ZC3H11A: variants seen among roughly 807,000 people sequenced by gnomAD.
The protein encoded by ZC3H11A is zinc finger CCCH-type containing 11A, also known as zinc finger CCCH domain-containing protein 11A.
ZC3H11A carries 22 observed loss-of-function variants against 90.8 expected under a neutral mutation model. That is an observed-to-expected ratio of 0.24 (90% confidence interval 0.17 to 0.35). The LOEUF (loss-of-function observed/expected upper bound fraction) is 0.35, where lower values mean the gene tolerates loss of function less well. Among genes scored for constraint, ZC3H11A ranks in the 10% least tolerant of loss-of-function variants. The pLI is 1.00. For synonymous variants in ZC3H11A, 294 were observed against 339.8 expected (o/e 0.87, Z 1.48); for missense variants, 701 against 964.9 (o/e 0.73, Z 3.62).
chr1:203,806,018 C>A, intron 2 of ZC3H11A: 1 of 551,408 alleles, frequency 1.8e-6, no homozygotes, highest in South Asian at 1.5e-5. Flanking sequence ...TTGAATGACT[C>A]TTGGGTGCGA....
In ZC3H11A at chr1:203,810,640, C is replaced by T. The variant is rs559713235; in HGVS notation, c.-145-6286C>T. 2.0e-4 allele frequency among the ~76,000 whole-genome samples: 30 copies of T among 152,024 alleles called. No homozygotes were observed. The East Asian group carries it at 3.7e-3, about 19-fold the overall frequency. ...TTCACAGTGTCAGCCAGGATGGTCT[C>T]GATCTCCTGACCTCGTGATCCACCC... On this transcript the variant is annotated intron_variant, in intron 2 of 17. Transcript: ENST00000367210.
chr1:203,852,145 G>C lies in ZC3H11A; in HGVS notation c.2179G>C (p.Val727Leu), dbSNP rs200162002. ...ATAATCTTTTTTTTCTTACAGTCTT[G>C]TGCTGCCTCCAACCCAGTCCTCTTC... ...PEAENPRDSL[V>L]LPPTQSSSDS... The change falls in exon 18 of 18, where the codon GTG becomes CTG. Residue 727 changes from valine to leucine, a missense_variant. Around this residue, in one of 4 missense-constraint regions of ZC3H11A, gnomAD observed 91 missense variants for 86.8 expected, o/e 1.05. Transcript: ENST00000367210. The C allele has an allele frequency of 6.2e-7, 1 of 1,612,998 alleles. No homozygotes were observed. Among genetic ancestry groups the C allele is most frequent in the South Asian group, 1.1e-5 (1 of 91,010 alleles).
At chr1:203,806,759 T>C (rs1571953352) in intron 2 of ZC3H11A, among the ~76,000 whole-genome samples, 1 of 152,036 alleles carries the variant, frequency 6.6e-6, no homozygotes. Flanking sequence ...CTGGTGATTA[T>C]GTGCATTTAT....
chr1:203,817,162 T>G, intron 3 of ZC3H11A, 38 bp downstream of exon 3: 1 of 1,536,794 alleles, frequency 6.5e-7, no homozygotes, highest in Middle Eastern at 1.7e-4. Flanking sequence ...CTTTCTACAA[T>G]TTGCTTAATA....
chr1:203,831,232 T>C (rs1247737538), intron 8 of ZC3H11A, among the ~76,000 whole-genome samples: 2 of 151,958 alleles, frequency 1.3e-5, no homozygotes, highest in Non-Finnish European at 2.9e-5. Flanking sequence ...TGAAGTGTAG[T>C]ATATATAGAG....
intron 1 of ZC3H11A, chr1:203,800,044 G>C: frequency 6.5e-7 from 1 of 1,536,110 alleles, no homozygotes; most frequent in Non-Finnish European, 8.7e-7. Flanking sequence ...TCCAGTTCAG[G>C]TTCTGTTGAT....
chr1:203,840,994 G>A (rs1207719248), intron 12 of ZC3H11A, among the ~76,000 whole-genome samples: 4 of 152,086 alleles, frequency 2.6e-5, no homozygotes, highest in African/African-American at 9.7e-5. Context: ...ATAAAATTAT[G>A]ATAGTTATGT....
intron 1 of ZC3H11A, chr1:203,799,473 A>G (rs1361126987): frequency 2.8e-6 from 2 of 703,036 alleles, no homozygotes; most frequent in Non-Finnish European, 5.2e-6. Context: ...TTGGATTTCT[A>G]CTTTTTATAT....
chr1:203,806,671 T>C (rs1247922919), intron 2 of ZC3H11A, among the ~76,000 whole-genome samples: 1 of 152,198 alleles, frequency 6.6e-6, no homozygotes, highest in East Asian at 1.9e-4. Flanking sequence ...TGAAGACTGT[T>C]GAATGGGTGT....
At chr1:203,839,771 T>C (rs1001643640) in intron 11 of ZC3H11A, among the ~76,000 whole-genome samples, 3 of 152,142 alleles carry the variant, frequency 2.0e-5, no homozygotes, top group African/African-American at 4.8e-5. Context: ...GTTTTTGCTT[T>C]TCAGATATAA....
intron 17 of ZC3H11A, among the ~76,000 whole-genome samples, chr1:203,851,829 C>T (rs545383840): frequency 1.9e-4 from 29 of 151,678 alleles, no homozygotes; most frequent in African/African-American, 7.0e-4. Flanking sequence ...AAAAAAATCA[C>T]ATGGTGACAC....
chr1:203,846,383 C>T (rs1051298392), intron 12 of ZC3H11A, among the ~76,000 whole-genome samples: 10 of 152,078 alleles, frequency 6.6e-5, no homozygotes, highest in African/African-American at 2.4e-4. Context: ...AGTGGCATGC[C>T]AATTTCTGGG....
chr1:203,830,701 C>T (rs899384554), intron 8 of ZC3H11A, among the ~76,000 whole-genome samples: 2 of 151,718 alleles, frequency 1.3e-5, no homozygotes, highest in Non-Finnish European at 2.9e-5. Context: ...CCCAGCTACT[C>T]GGGAGGCTGA....
chr1:203,829,911 G>C lies in ZC3H11A; in HGVS notation c.619+15G>C, dbSNP rs535213570. Reference sequence around the variant, plus strand: ...TATAAAGCAAGGTAAGAAGAGGCTAGATTGGTGCCTCTTATAGCACTGTTG... The same window carrying C: ...TATAAAGCAAGGTAAGAAGAGGCTACATTGGTGCCTCTTATAGCACTGTTG... On this transcript the variant is annotated intron_variant, in intron 7 of 17. Transcript: ENST00000367210. 1 of 1,595,898 alleles carries C rather than the reference G, an allele frequency of 6.3e-7. No homozygotes were observed. Among genetic ancestry groups the C allele is most frequent in the African/African-American group, 1.3e-5 (1 of 74,630 alleles).
intron 2 of ZC3H11A, among the ~76,000 whole-genome samples, chr1:203,803,383 G>A (rs531771263): frequency 1.3e-5 from 2 of 151,894 alleles, no homozygotes; most frequent in African/African-American, 4.8e-5. Flanking sequence ...TGGAGATGAA[G>A]TTTCACCATC....
Position 203,850,672 on chromosome 1 carries a change from G to A in ZC3H11A, c.2097G>A (p.Lys699=). Residue 699 remains lysine (K), a synonymous_variant, in exon 16 of 18, where the codon AAG becomes AAA. Transcript: ENST00000367210. The part of the protein sequence containing the change: ...SSVLQEPPAK[K]AAVAVVPLVS... ...TCCTACAGGAACCCCCAGCCAAAAA[G>A]GCAGCTGTGGTAAGAAGTATATTCA... 1 of 1,613,890 alleles carries A rather than the reference G, an allele frequency of 6.2e-7. No homozygotes were observed. Among genetic ancestry groups the A allele is most frequent in the Non-Finnish European group, 8.5e-7 (1 of 1,179,854 alleles).
chr1:203,848,467 G>A, intron 14 of ZC3H11A, 60 bp downstream of exon 14: 4 of 1,303,556 alleles, frequency 3.1e-6, no homozygotes, highest in South Asian at 1.3e-5. Context: ...ATAATTGGTA[G>A]TTTTACCTTA....
rs532627529 is a variant in ZC3H11A, at chr1:203,833,170, C to T, written c.812-621C>T. Among the ~76,000 whole-genome samples, 14 of 152,224 alleles carry T rather than the reference C, an allele frequency of 9.2e-5. No homozygotes were observed. In the South Asian group the frequency reaches 2.3e-3, roughly 25 times the overall value. The stretch of plus-strand genomic sequence containing the variant: ...AGATCACAAGGTCAGAAATTCGAGA[C>T]CAGCCCGACCAACGCGGTGAAACCT... On this transcript the variant is annotated intron_variant, in intron 9 of 17. Coordinates refer to ENST00000367210, the MANE Select transcript of ZC3H11A (RefSeq NM_001376342.1).
intron 15 of ZC3H11A, 124 bp from the exon 16 acceptor site, chr1:203,850,391 C>T: frequency 6.9e-7 from 1 of 1,440,568 alleles, no homozygotes; most frequent in Middle Eastern, 1.7e-4. Context: ...TTTTCAGTCT[C>T]TTTTTAAATG....
Sources: allele counts gnomAD v4.1 joint callset (sites outside exome capture counted in the v4.1 genomes callset), GRCh38; gene constraint gnomAD v4.1.1; regional missense constraint gnomAD v4.1.1; transcripts MANE v1.5; gene names NCBI Gene and HGNC (gene_info 2026-07-23, HGNC 2026-07-21).